Variants in TBC1D9 observed in about 807,000 individuals in gnomAD.
TBC1D9 encodes TBC1 domain family member 9, also known as TBC1 domain family member 9A.
A neutral mutation model predicts 132.0 loss-of-function variants in TBC1D9; 63 were observed. The observed-to-expected ratio is 0.48, with a 90% CI of 0.39 to 0.59. The LOEUF is 0.59. TBC1D9 is among the 20% of genes least tolerant of loss of function. TBC1D9 has a pLI of 0.00. For synonymous variants in TBC1D9, 610 were observed against 609.9 expected, an observed-to-expected ratio of 1.00 and a Z score of 0.00; for missense variants, 1,261 against 1,592.7, an observed-to-expected ratio of 0.79 and a Z score of 3.54.
At chr4:140,721,006 C>T (rs757800419) in intron 1 of TBC1D9, among the ~76,000 whole-genome samples, 1 of 152,180 alleles carries the variant, frequency 6.6e-6, no homozygotes, top group East Asian at 1.9e-4. Flanking sequence ...AGAGCCCTCA[C>T]TCAGCTCAGC....
Position 140,679,028 on chromosome 4 carries a change from T to A in TBC1D9, c.765A>T (p.Gln255His). Residue 255 changes from glutamine to histidine, a missense_variant, in exon 5 of 21, where the codon CAA becomes CAT. By Grantham distance (24) the Gln-to-His change is conservative. Coordinates refer to ENST00000442267, the MANE Select transcript of TBC1D9 (RefSeq NM_015130.3). ...GTTCAAATCCCTCATTGTCTAAGAG[T>A]TGCCTCATGGCTATGTTGGCAAGCT... is the stretch of plus-strand genomic sequence containing the variant. ...MEQLANIAMR[Q>H]LLDNEGFEQD... The A allele has an allele frequency of 6.2e-7, 1 of 1,613,770 alleles. No homozygotes were observed. Among genetic ancestry groups the A allele is most frequent in the Non-Finnish European group, 8.5e-7 (1 of 1,179,832 alleles).
chr4:140,707,003 G>C (rs1738159873), intron 1 of TBC1D9, among the ~76,000 whole-genome samples: 1 of 152,140 alleles, frequency 6.6e-6, no homozygotes, highest in Admixed American at 6.5e-5. Context: ...GAATGGAATT[G>C]TCAGGTCCTA....
chr4:140,667,700 C>A (rs1026284537), intron 9 of TBC1D9, among the ~76,000 whole-genome samples: 1 of 151,858 alleles, frequency 6.6e-6, no homozygotes, highest in Non-Finnish European at 1.5e-5. Flanking sequence ...AAGTTTGAGA[C>A]CACCCTGGGC....
At chr4:140,669,544 A>G (rs1241307385) in intron 8 of TBC1D9, 90 bp downstream of exon 8, 1 of 1,322,804 alleles carries the variant, frequency 7.6e-7, no homozygotes, top group African/African-American at 1.5e-5. Flanking sequence ...CCATTTACAT[A>G]GGCATGTGTG....
intron 1 of TBC1D9, among the ~76,000 whole-genome samples, chr4:140,717,244 C>T (rs570218350): frequency 3.7e-4 from 57 of 152,240 alleles, no homozygotes; most frequent in African/African-American, 1.3e-3. Flanking sequence ...GAGCTTTTGC[C>T]CAACTTTCCT....
intron 1 of TBC1D9, among the ~76,000 whole-genome samples, chr4:140,750,171 A>T (rs1452285426): frequency 1.3e-5 from 2 of 151,738 alleles, no homozygotes; most frequent in Admixed American, 1.3e-4. Context: ...AAAAAAAAAA[A>T]TTTTACAAAA....
intron 1 of TBC1D9, among the ~76,000 whole-genome samples, chr4:140,754,476 G>A (rs1002384388): frequency 4.6e-5 from 7 of 151,576 alleles, no homozygotes; most frequent in African/African-American, 7.3e-5. Context: ...TTAGCCGGGC[G>A]GGTTGGTGCA....
intron 13 of TBC1D9, chr4:140,643,396 C>T: frequency 8.3e-6 from 4 of 479,500 alleles, no homozygotes; most frequent in South Asian, 8.3e-5. Context: ...AGCTCCATGG[C>T]CACCTCCATG....
intron 13 of TBC1D9, chr4:140,644,376 G>C (rs915830218): frequency 3.5e-6 from 1 of 283,312 alleles, no homozygotes; most frequent in African/African-American, 2.3e-5. Flanking sequence ...GTAGGCAGGC[G>C]CCTTGGACAC....
At chr4:140,626,920 C>A (rs1341000796) in intron 18 of TBC1D9, among the ~76,000 whole-genome samples, 1 of 152,178 alleles carries the variant, frequency 6.6e-6, no homozygotes, top group Non-Finnish European at 1.5e-5. Flanking sequence ...ACTGAAGTTT[C>A]TATTTCATAT....
At chr4:140,632,336 T>A (rs1736810458) in intron 16 of TBC1D9, among the ~76,000 whole-genome samples, 1 of 151,852 alleles carries the variant, frequency 6.6e-6, no homozygotes, top group South Asian at 2.1e-4. Context: ...GTAAAGAAGA[T>A]TAGCATAGCG....
rs147721716 is a variant in TBC1D9, at chr4:140,694,717, G to A, written c.241+6787C>T. Among the ~76,000 whole-genome samples, 203 of 148,560 alleles carry A rather than the reference G, an allele frequency of 1.4e-3. 2 individuals carry two copies. The East Asian group carries it at 0.036, about 27-fold the overall frequency. ...TATTTATATATACTGTAAATATATA[G>A]TATACACATAGTATATATTATATAC... is the stretch of plus-strand genomic sequence containing the variant. On this transcript the variant is annotated intron_variant, in intron 2 of 20. Transcript: ENST00000442267.
intron 2 of TBC1D9, among the ~76,000 whole-genome samples, chr4:140,691,636 A>C (rs1247725584): frequency 6.6e-6 from 1 of 152,214 alleles, no homozygotes; most frequent in Non-Finnish European, 1.5e-5. Flanking sequence ...GGGTATGAGA[A>C]TCCTTCAGGA....
chr4:140,745,625 C>A (rs936089461), intron 1 of TBC1D9, among the ~76,000 whole-genome samples: 2 of 152,096 alleles, frequency 1.3e-5, no homozygotes, highest in Non-Finnish European at 2.9e-5. Flanking sequence ...AATAAGACTG[C>A]AGTATATAAT....
intron 1 of TBC1D9, among the ~76,000 whole-genome samples, chr4:140,746,119 G>A (rs540622946): frequency 2.0e-4 from 30 of 152,170 alleles, no homozygotes; most frequent in South Asian, 8.3e-4. Flanking sequence ...CAAATCTCCC[G>A]AATTTGTTCA....
chr4:140,657,980 T>G (rs1737298224), intron 11 of TBC1D9, among the ~76,000 whole-genome samples, 168 bp from the exon 12 acceptor site: 1 of 152,208 alleles, frequency 6.6e-6, no homozygotes, highest in South Asian at 2.1e-4. Flanking sequence ...AGTCACCAGA[T>G]TAGTTCTGGC....
Position 140,625,435 on chromosome 4 carries a change from C to T in TBC1D9, c.2900-1047G>A, listed in dbSNP as rs148573060. Among the ~76,000 whole-genome samples, 331 of 152,332 alleles carry T rather than the reference C, an allele frequency of 2.2e-3. 2 individuals are homozygous for T. The highest frequency in any genetic ancestry group is 7.7e-3 in the African/African-American group (321 of 41,574). The stretch of plus-strand genomic sequence containing the variant: ...AAAATAGAGAGGTGTACAATGCCCT[C>T]AGTTTCCCATGCAGTTTGTTGGCTG... On this transcript the variant is annotated intron_variant, in intron 18 of 20. Coordinates refer to ENST00000442267, the MANE Select transcript of TBC1D9 (RefSeq NM_015130.3).
chr4:140,745,929 A>C (rs1297195652), intron 1 of TBC1D9, among the ~76,000 whole-genome samples: 1 of 152,196 alleles, frequency 6.6e-6, no homozygotes. Flanking sequence ...GTTATTTCTC[A>C]TACATTTCTG....
At chr4:140,738,227 T>C (rs1259999893) in intron 1 of TBC1D9, among the ~76,000 whole-genome samples, 1 of 152,158 alleles carries the variant, frequency 6.6e-6, no homozygotes, top group Non-Finnish European at 1.5e-5. Context: ...AGGGAGAAGT[T>C]AGGCTTGGGA....
Sources: allele counts gnomAD v4.1 joint callset (sites outside exome capture counted in the v4.1 genomes callset), GRCh38; gene constraint gnomAD v4.1.1; transcripts MANE v1.5; gene names NCBI Gene and HGNC (gene_info 2026-07-23, HGNC 2026-07-21).